Variants in C5orf52 observed in about 807,000 individuals in gnomAD.
C5orf52 encodes chromosome 5 open reading frame 52, also known as uncharacterized protein C5orf52.
C5orf52 carries 15 observed loss-of-function variants against 16.8 expected under a neutral mutation model. The observed-to-expected ratio is 0.89, with a 90% CI of 0.60 to 1.38. The LOEUF (loss-of-function observed/expected upper bound fraction) is 1.38. C5orf52 is among the 40% of genes most tolerant of loss of function. The probability of loss-of-function intolerance (pLI) is 0.00; values close to 1 mark genes in which losing one functional copy is unlikely to be tolerated. For synonymous variants in C5orf52, 83 were observed against 87.2 expected, an observed-to-expected ratio of 0.95 and a Z score of 0.27; for missense variants, 206 against 213.1, an observed-to-expected ratio of 0.97 and a Z score of 0.21.
At chr5:157,677,647 T>G in intron 2 of C5orf52, among the ~76,000 whole-genome samples, 1 of 97,990 alleles carries the variant, frequency 1.0e-5, no homozygotes, top group Non-Finnish European at 1.9e-5. Flanking sequence ...AGAGTGAAAC[T>G]CCCTCTCAAA....
chr5:157,671,478 T>C (rs1645123262), upstream of C5orf52: 3 of 677,370 alleles, frequency 4.4e-6, no homozygotes, highest in South Asian at 2.0e-5. Flanking sequence ...CCGCAGCCAA[T>C]ATGTGTCTCC....
chr5:157,679,852 A>G lies in C5orf52; in HGVS notation c.333A>G (p.Leu111=). ...CTGTTTTTTGTAAGGTGAGCGCTTT[A>G]GAGAAGACCAAGAAAAAGATCAGCC... ...QRIYEMEVSA[L]EKTKKKISHY... The change falls in exon 3 of 3, where the codon TTA becomes TTG. Residue 111 remains leucine, a synonymous_variant. Transcript: ENST00000409999. 6.4e-7 allele frequency: 1 copy of G among 1,551,064 alleles called. No homozygotes were observed. The highest frequency in any genetic ancestry group is 2.4e-5 in the East Asian group (1 of 40,902).
intron 2 of C5orf52, among the ~76,000 whole-genome samples, chr5:157,678,601 C>G (rs373165196): frequency 4.6e-5 from 7 of 152,170 alleles, no homozygotes; most frequent in African/African-American, 1.7e-4. Flanking sequence ...GGATTACAGG[C>G]ACATGCCACC....
intron 2 of C5orf52, among the ~76,000 whole-genome samples, chr5:157,677,184 GT>G (rs1759911424): frequency 6.6e-6 from 1 of 152,098 alleles, no homozygotes; most frequent in Non-Finnish European, 1.5e-5. Flanking sequence ...GTGGCTTTCT[GT>G]ATTTAGTAGG....
At chr5:157,677,447 G>C (rs1759917365) in intron 2 of C5orf52, among the ~76,000 whole-genome samples, 1 of 152,070 alleles carries the variant, frequency 6.6e-6, no homozygotes, top group Admixed American at 6.5e-5. Context: ...CCTGAGGTTG[G>C]GAGTTCGAGA....
intron 2 of C5orf52, among the ~76,000 whole-genome samples, chr5:157,675,500 C>G (rs1175806832): frequency 6.6e-6 from 1 of 152,110 alleles, no homozygotes; most frequent in African/African-American, 2.4e-5. Context: ...TTATTTTCTC[C>G]CATACAAAGT....
In C5orf52 at chr5:157,677,473, CG is replaced by C. The variant is rs528974322; in HGVS notation, c.321+2275del. On this transcript the variant is annotated intron_variant, in intron 2 of 2. Coordinates refer to ENST00000409999, the MANE Select transcript of C5orf52 (RefSeq NM_001145132.2). ...GAGTTCGAGACCAGCCTGACCAACA[CG>C]GAGAAACCCCTCTCTACTAAAAATA... 2.4e-3 allele frequency among the ~76,000 whole-genome samples: 362 copies of C among 151,726 alleles called. 3 individuals carry two copies. The highest frequency in any genetic ancestry group is 8.5e-3 in the African/African-American group (350 of 41,390).
At chr5:157,679,765 T>A in intron 2 of C5orf52, 76 bp from the exon 3 acceptor site, 1 of 1,390,464 alleles carries the variant, frequency 7.2e-7, no homozygotes, top group Non-Finnish European at 9.7e-7. Context: ...AGCACAGATG[T>A]CTGCCCTGCT....
At chr5:157,675,050 C>CA in intron 1 of C5orf52, 42 bp from the exon 2 acceptor site, 1 of 1,379,680 alleles carries the variant, frequency 7.2e-7, no homozygotes, top group Non-Finnish European at 1.0e-6. Flanking sequence ...GCCCAGGCCC[C>CA]AACCGTCTGT....
intron 2 of C5orf52, 106 bp downstream of exon 2, chr5:157,675,306 C>A: frequency 1.4e-6 from 1 of 710,606 alleles, no homozygotes; most frequent in Non-Finnish European, 2.4e-6. Flanking sequence ...AGGGAGTCAT[C>A]AAGGTGCTCT....
intron 2 of C5orf52, among the ~76,000 whole-genome samples, chr5:157,676,302 A>G (rs147618833): frequency 0.058 from 8,746 of 152,016 alleles, 344 homozygotes; most frequent in Middle Eastern, 0.13. Flanking sequence ...CAAACTCCTG[A>G]CCTCAGGTGA....
At chr5:157,678,775 G>A (rs531714531) in intron 2 of C5orf52, among the ~76,000 whole-genome samples, 20 of 152,224 alleles carry the variant, frequency 1.3e-4, no homozygotes, top group Admixed American at 5.2e-4. Context: ...GAAATTTGTC[G>A]TGATATCTCC....
At chr5:157,673,636 A>T (rs557215253) in intron 1 of C5orf52, among the ~76,000 whole-genome samples, 1 of 152,108 alleles carries the variant, frequency 6.6e-6, no homozygotes, top group Non-Finnish European at 1.5e-5. Flanking sequence ...CACATTTTAG[A>T]AAGAAAATAT....
rs562597314 is a variant in C5orf52 at position 157,678,747 on chromosome 5, C to T, written c.322-1094C>T. Among the ~76,000 whole-genome samples, 3 of 152,306 alleles carry T rather than the reference C, an allele frequency of 2.0e-5. No individual in the cohort carries two copies. The East Asian group carries it at 5.8e-4, about 29-fold the overall frequency. On this transcript the variant is annotated intron_variant, in intron 2 of 2. Transcript: ENST00000409999. ...AAGTGCTGGGATTACAGATGTGAGC[C>T]ACAGCGCCCAGCCAAGTGAAATTTG...
intron 2 of C5orf52, among the ~76,000 whole-genome samples, chr5:157,677,990 AAAAAAAAG>A (rs1163294458): frequency 6.6e-6 from 1 of 152,168 alleles, no homozygotes; most frequent in Non-Finnish European, 1.5e-5. Context: ...CCTGTCTCAA[AAAAAAAAG>A]AAAAAAAGAA....
intron 2 of C5orf52, among the ~76,000 whole-genome samples, chr5:157,676,298 C>T (rs965802584): frequency 6.6e-6 from 1 of 152,136 alleles, no homozygotes; most frequent in East Asian, 1.9e-4. Flanking sequence ...GTCTCAAACT[C>T]CTGACCTCAG....
upstream of C5orf52, among the ~76,000 whole-genome samples, chr5:157,671,064 G>C (rs1028514705): frequency 2.0e-5 from 3 of 152,178 alleles, no homozygotes; most frequent in African/African-American, 7.2e-5. Flanking sequence ...ATTCATTCAG[G>C]AAGCAGCCGC....
chr5:157,675,429 C>T (rs1325110580), intron 2 of C5orf52, among the ~76,000 whole-genome samples: 1 of 152,146 alleles, frequency 6.6e-6, no homozygotes, highest in Non-Finnish European at 1.5e-5. Context: ...CTCCATGTCT[C>T]TTGGGTCTTT....
rs1319656883 is a variant in C5orf52, at chr5:157,680,026, C to T, written c.*27C>T. ...CTCCAGTCTCCCAAGAAAGGCCAAC[C>T]ACCCTAGTTCTGGCAAAGGGATCTG... On this transcript the variant is annotated 3_prime_UTR_variant, in exon 3 of 3. Coordinates refer to ENST00000409999, the MANE Select transcript of C5orf52 (RefSeq NM_001145132.2). 5 of 1,545,204 alleles carry T rather than the reference C, an allele frequency of 3.2e-6. No homozygotes were observed. The highest frequency in any genetic ancestry group is 4.4e-6 in the Non-Finnish European group (5 of 1,144,570).
Sources: allele counts gnomAD v4.1 joint callset (sites outside exome capture counted in the v4.1 genomes callset), GRCh38; gene constraint gnomAD v4.1.1; transcripts MANE v1.5; gene names NCBI Gene and HGNC (gene_info 2026-07-23, HGNC 2026-07-21).